The following SLC35F4 variants were observed in gnomAD, a reference collection of about 807,000 sequenced individuals.
SLC35F4 encodes the protein chromosome 14 open reading frame 36.
Under a neutral mutation model 44.2 loss-of-function variants are expected in SLC35F4, and 24 were observed. That is an observed-to-expected ratio of 0.54 (90% CI 0.39 to 0.76). The LOEUF (loss-of-function observed/expected upper bound fraction) is 0.76, where lower values mean the gene tolerates loss of function less well. SLC35F4 is among the 30% of genes least tolerant of loss of function. The pLI is 0.00. For missense variants in SLC35F4, 562 were observed against 586.1 expected, an observed-to-expected ratio of 0.96 and a Z score of 0.42; for synonymous variants, 238 against 223.6, an observed-to-expected ratio of 1.06 and a Z score of -0.57.
intron 1 of SLC35F4, among the ~76,000 whole-genome samples, chr14:57,906,940 T>C (rs1444406937): frequency 6.6e-6 from 1 of 152,212 alleles, no homozygotes; most frequent in Non-Finnish European, 1.5e-5. Flanking sequence ...AAAGCCACAG[T>C]GTCTCTTTGA....
At chr14:57,813,406 A>G (rs938800957) in intron 1 of SLC35F4, among the ~76,000 whole-genome samples, 5 of 152,186 alleles carry the variant, frequency 3.3e-5, no homozygotes, top group Admixed American at 3.3e-4. Flanking sequence ...CCTGGCCTAT[A>G]TGGTGAAACC....
chr14:57,839,153 G>A (rs973321574), intron 1 of SLC35F4, among the ~76,000 whole-genome samples: 1 of 152,098 alleles, frequency 6.6e-6, no homozygotes, highest in Non-Finnish European at 1.5e-5. Flanking sequence ...GTAGGAAAGT[G>A]AATTAGCTGA....
intron 4 of SLC35F4, among the ~76,000 whole-genome samples, chr14:57,577,091 T>C (rs1879168706): frequency 6.6e-6 from 1 of 152,154 alleles, no homozygotes; most frequent in South Asian, 2.1e-4. Context: ...GCATTGCACA[T>C]GAATAAAGAG....
intron 1 of SLC35F4, among the ~76,000 whole-genome samples, chr14:57,667,740 G>C (rs1343183548): frequency 2.0e-5 from 3 of 151,602 alleles, no homozygotes; most frequent in African/African-American, 7.3e-5. Context: ...ATCATTGTTG[G>C]ACATTTGGGT....
chr14:57,709,727 G>A (rs1030958462), intron 1 of SLC35F4, among the ~76,000 whole-genome samples: 2 of 152,082 alleles, frequency 1.3e-5, no homozygotes, highest in Non-Finnish European at 1.5e-5. Context: ...GATTTCTAAG[G>A]TATCTAAGGG....
chr14:57,865,368 C>T (rs561743946), intron 1 of SLC35F4, among the ~76,000 whole-genome samples: 55 of 152,192 alleles, frequency 3.6e-4, no homozygotes, highest in South Asian at 8.3e-4. Flanking sequence ...GCTGACTTTC[C>T]GCTAAGTGAA....
At chr14:57,924,840 G>T (rs1566930703) in intron 1 of SLC35F4, among the ~76,000 whole-genome samples, 1 of 151,756 alleles carries the variant, frequency 6.6e-6, no homozygotes, top group Non-Finnish European at 1.5e-5. Flanking sequence ...GGAGTGCAGT[G>T]GTGTGATAAT....
chr14:57,584,194 T>C (rs985978816), intron 3 of SLC35F4, among the ~76,000 whole-genome samples: 1 of 152,194 alleles, frequency 6.6e-6, no homozygotes, highest in Non-Finnish European at 1.5e-5. Flanking sequence ...TCAAATTCAC[T>C]TGAGGCAATT....
intron 1 of SLC35F4, among the ~76,000 whole-genome samples, chr14:57,881,861 C>A (rs1888541669): frequency 6.6e-6 from 1 of 152,128 alleles, no homozygotes; most frequent in Admixed American, 6.6e-5. Context: ...CCTATAGGTC[C>A]TGTTCATGAT....
intron 1 of SLC35F4, among the ~76,000 whole-genome samples, chr14:57,704,085 C>T (rs1441717755): frequency 1.3e-5 from 2 of 152,158 alleles, no homozygotes; most frequent in African/African-American, 2.4e-5. Flanking sequence ...TTTCTCTAGG[C>T]AGGACTTAGA....
At chr14:57,971,719 G>T (rs1358884572) in intron 1 of SLC35F4, among the ~76,000 whole-genome samples, 1 of 152,208 alleles carries the variant, frequency 6.6e-6, no homozygotes, top group Non-Finnish European at 1.5e-5. Flanking sequence ...GAGTCGAATG[G>T]TGGTTGCCAG....
At position 57,666,778 on chromosome 14, in the gene SLC35F4, C is replaced by A. The variant is rs867691222; in HGVS notation, c.104-72654G>T. Reference sequence around the variant, plus strand: ...GAGGCAGGCAAGAAAGCTATCAGGGCAGTTTCAAAAGGCTTTATTTGATTT... The same window carrying A: ...GAGGCAGGCAAGAAAGCTATCAGGGAAGTTTCAAAAGGCTTTATTTGATTT... On this transcript the variant is annotated intron_variant, in intron 1 of 7. Transcript: ENST00000556826. Among the ~76,000 whole-genome samples, 51 of 151,388 alleles carry A rather than the reference C, an allele frequency of 3.4e-4. 1 individual carries two copies. Among genetic ancestry groups the A allele is most frequent in the Non-Finnish European group, 2.5e-4 (17 of 67,918 alleles).
intron 1 of SLC35F4, among the ~76,000 whole-genome samples, chr14:57,831,228 C>A (rs910123500): frequency 1.3e-5 from 2 of 152,290 alleles, no homozygotes; most frequent in African/African-American, 4.8e-5. Context: ...TCTCTAATAT[C>A]TTTCTCTCCC....
intron 1 of SLC35F4, among the ~76,000 whole-genome samples, chr14:57,606,608 G>T (rs1232832396): frequency 6.6e-6 from 1 of 152,150 alleles, no homozygotes; most frequent in African/African-American, 2.4e-5. Flanking sequence ...CTACATACAA[G>T]TGTATACAAA....
rs368947194 is a variant in SLC35F4 at position 57,574,061 on chromosome 14, A to C, written c.808-2042T>G. 2.3e-3 allele frequency among the ~76,000 whole-genome samples: 349 copies of C among 152,334 alleles called. 2 individuals are homozygous for C. Among genetic ancestry groups the C allele is most frequent in the Middle Eastern group, 0.01 (3 of 294 alleles). Reference sequence around the variant, plus strand: ...ATTCTGGGTTTAGAAAATTGTGAAAACCAATTAAAAAACCCCAAAGCACAA... The same window carrying C: ...ATTCTGGGTTTAGAAAATTGTGAAACCCAATTAAAAAACCCCAAAGCACAA... On this transcript the variant is annotated intron_variant, in intron 4 of 7. Coordinates refer to ENST00000556826, the MANE Select transcript of SLC35F4 (RefSeq NM_001306087.2).
intron 1 of SLC35F4, among the ~76,000 whole-genome samples, chr14:57,734,266 G>T (rs533960353): frequency 6.6e-6 from 1 of 152,224 alleles, no homozygotes; most frequent in Non-Finnish European, 1.5e-5. Flanking sequence ...TTCTTTCTGA[G>T]CCTCAACCCT....
Position 57,668,712 on chromosome 14 carries a change from C to T in SLC35F4, c.104-74588G>A, listed in dbSNP as rs192925643. On this transcript the variant is annotated intron_variant, in intron 1 of 7. Coordinates refer to ENST00000556826, the MANE Select transcript of SLC35F4 (RefSeq NM_001306087.2). ...TATATCTCTGTTTTAGTACCAGTAC[C>T]ATGCTGTTTGGTTACTGTAGCCTTG... Among the ~76,000 whole-genome samples, 65 of 152,168 alleles carry T rather than the reference C, an allele frequency of 4.3e-4. 1 individual carries two copies. Among genetic ancestry groups the T allele is most frequent in the African/African-American group, 1.5e-3 (63 of 41,444 alleles).
At chr14:57,631,114 A>G (rs190960745) in intron 1 of SLC35F4, 1 of 153,390 alleles carries the variant, frequency 6.5e-6, no homozygotes, top group East Asian at 1.9e-4. Context: ...CTGACTGCTC[A>G]GACACATTTA....
intron 1 of SLC35F4, among the ~76,000 whole-genome samples, chr14:57,879,743 T>C (rs1441870588): frequency 6.6e-6 from 1 of 152,190 alleles, no homozygotes; most frequent in Non-Finnish European, 1.5e-5. Flanking sequence ...TTGTGTCTGT[T>C]ACTTACTTCC....
Sources: gnomAD v4.1 joint callset for allele counts (sites outside exome capture counted in the v4.1 genomes callset) on GRCh38, gnomAD v4.1.1 for gene constraint, MANE v1.5 for transcripts, NCBI Gene and HGNC (gene_info 2026-07-23, HGNC 2026-07-21) for gene names.